SAMTOR: variants seen among roughly 807,000 people sequenced by gnomAD.
SAMTOR encodes S-adenosylmethionine sensor upstream of mTORC1, also known as UPF0532 protein C7orf60.
chr7:112,848,816 C>T, the SAMTOR span, among the ~76,000 whole-genome samples: 3 of 151,970 alleles, frequency 2.0e-5, no homozygotes, highest in African/African-American at 7.2e-5. Flanking sequence ...TGCGGGAGGC[C>T]GAGGTGGGCG....
the SAMTOR span, among the ~76,000 whole-genome samples, chr7:112,921,966 T>TCTCCCTCTCCCG: frequency 7.9e-6 from 1 of 125,964 alleles, no homozygotes; most frequent in African/African-American, 3.4e-5. Context: ...TCCCTCTCCC[T>TCTCCCTCTCCCG]CTCCCGCTCC....
the SAMTOR span, among the ~76,000 whole-genome samples, chr7:112,906,427 C>T: frequency 6.6e-6 from 1 of 152,090 alleles, no homozygotes; most frequent in African/African-American, 2.4e-5. Context: ...GGGACATTTA[C>T]AACAGCAATA....
chr7:112,871,067 C>T, the SAMTOR span, among the ~76,000 whole-genome samples: 1 of 152,094 alleles, frequency 6.6e-6, no homozygotes, highest in Non-Finnish European at 1.5e-5. Flanking sequence ...ACTCAGACAG[C>T]CACAGGGTAA....
the SAMTOR span, among the ~76,000 whole-genome samples, chr7:112,902,631 T>C: frequency 6.6e-6 from 1 of 151,994 alleles, no homozygotes; most frequent in Non-Finnish European, 1.5e-5. Flanking sequence ...CTATGGACTT[T>C]GGGTGATAAT....
the SAMTOR span, among the ~76,000 whole-genome samples, chr7:112,830,293 A>T: frequency 6.6e-6 from 1 of 152,136 alleles, no homozygotes; most frequent in Non-Finnish European, 1.5e-5. Context: ...TTCAAGTGGA[A>T]GAGGATAAAG....
chr7:112,916,817 A>G, the SAMTOR span, among the ~76,000 whole-genome samples: 1 of 152,178 alleles, frequency 6.6e-6, no homozygotes, highest in Non-Finnish European at 1.5e-5. Flanking sequence ...GGAGGGTCCT[A>G]CGCCCACAGA....
chr7:112,915,418 G>A, the SAMTOR span: 1 of 1,611,224 alleles, frequency 6.2e-7, no homozygotes, highest in Non-Finnish European at 8.5e-7. Flanking sequence ...TCCTCACAGT[G>A]TTCTCGCCAG....
At chr7:112,910,641 G>A in the SAMTOR span, among the ~76,000 whole-genome samples, 9 of 151,978 alleles carry the variant, frequency 5.9e-5, no homozygotes, top group African/African-American at 1.2e-4. Context: ...CTCTAATGGC[G>A]GTACACCTCA....
At chr7:112,835,246 C>T in the SAMTOR span, among the ~76,000 whole-genome samples, 1 of 152,090 alleles carries the variant, frequency 6.6e-6, no homozygotes, top group South Asian at 2.1e-4. Flanking sequence ...ACTCCAGGTA[C>T]ATAAGTTCCT....
chr7:112,895,635 T>C, the SAMTOR span: 39 of 1,597,512 alleles, frequency 2.4e-5, no homozygotes, highest in Non-Finnish European at 3.3e-5. Flanking sequence ...AGAAGACTCA[T>C]GCATATTTAA....
the SAMTOR span, among the ~76,000 whole-genome samples, chr7:112,936,270 C>T: frequency 6.6e-6 from 1 of 152,216 alleles, no homozygotes. Flanking sequence ...CTTCGCATCA[C>T]CACTGCTAGG....
the SAMTOR span, among the ~76,000 whole-genome samples, chr7:112,838,909 G>GA: frequency 1.3e-5 from 2 of 151,742 alleles, no homozygotes; most frequent in Admixed American, 1.3e-4. Flanking sequence ...GGAACGGAGG[G>GA]AAAAAACCCT....
chr7:112,824,994 CA>C, the SAMTOR span, among the ~76,000 whole-genome samples: 5 of 151,968 alleles, frequency 3.3e-5, no homozygotes, highest in African/African-American at 1.2e-4. Context: ...TCAATTTCTA[CA>C]AAAAAGCCCA....
the SAMTOR span, among the ~76,000 whole-genome samples, chr7:112,930,620 T>C: frequency 6.6e-6 from 1 of 152,130 alleles, no homozygotes; most frequent in Non-Finnish European, 1.5e-5. Flanking sequence ...CCATCCAGTC[T>C]TTAATGTCAT....
the SAMTOR span, among the ~76,000 whole-genome samples, chr7:112,832,869 C>G: frequency 6.6e-6 from 1 of 152,066 alleles, no homozygotes; most frequent in Admixed American, 6.5e-5. Context: ...ATGAACAAGT[C>G]TTAAAAATAT....
the SAMTOR span, among the ~76,000 whole-genome samples, chr7:112,896,856 GAAAGT>G: frequency 9.9e-5 from 15 of 152,240 alleles, no homozygotes; most frequent in East Asian, 5.8e-4. Flanking sequence ...AATAAACCAG[GAAAGT>G]AAAGTAGAGT....
chr7:112,873,054 A>T, the SAMTOR span, among the ~76,000 whole-genome samples: 2 of 152,026 alleles, frequency 1.3e-5, no homozygotes, highest in Non-Finnish European at 2.9e-5. Flanking sequence ...TCTGCTAAAA[A>T]AAAAATTACA....
chr7:112,844,886 C>G, the SAMTOR span, among the ~76,000 whole-genome samples: 1 of 152,096 alleles, frequency 6.6e-6, no homozygotes, highest in South Asian at 2.1e-4. Context: ...CAGCATGGTA[C>G]TGGTAGACAG....
chr7:112,860,912 C>CAAAAAAAAAAAAAAAAAA, the SAMTOR span, among the ~76,000 whole-genome samples: 2 of 45,910 alleles, frequency 4.4e-5, no homozygotes, highest in Non-Finnish European at 8.9e-5. Flanking sequence ...GACTCTGTCT[C>CAAAAAAAAAAAAAAAAAA]AAAAAAAAAA....
Sources: gnomAD v4.1 joint callset for allele counts (sites outside exome capture counted in the v4.1 genomes callset) on GRCh38, gnomAD v4.1.1 for gene constraint, MANE v1.5 for transcripts, NCBI Gene and HGNC (gene_info 2026-07-23, HGNC 2026-07-21) for gene names.